The following ITGA9 variants were observed in gnomAD, a reference collection of about 807,000 sequenced individuals.
The protein encoded by ITGA9 is integrin alpha-9.
Under a neutral mutation model 127.8 loss-of-function variants are expected in ITGA9, and 56 were observed. The ratio of observed to expected loss-of-function variants is 0.44; its 90% CI spans 0.35 to 0.55. The LOEUF (loss-of-function observed/expected upper bound fraction) is 0.55, where lower values mean the gene tolerates loss of function less well. Ranked by LOEUF, ITGA9 falls within the 20% of genes least tolerant of loss-of-function variation. The pLI is 0.00. For synonymous variants in ITGA9, 508 were observed against 514.5 expected, an observed-to-expected ratio of 0.99 and a Z score of 0.17; for missense variants, 1,196 against 1,347.1, an observed-to-expected ratio of 0.89 and a Z score of 1.76.
At chr3:37,797,438 A>G (rs1201011173) in intron 26 of ITGA9, among the ~76,000 whole-genome samples, 1 of 152,188 alleles carries the variant, frequency 6.6e-6, no homozygotes, top group Non-Finnish European at 1.5e-5. Context: ...CTGGGATGCT[A>G]TAGGAGGTTG....
chr3:37,462,164 C>T (rs1351188440), intron 1 of ITGA9, among the ~76,000 whole-genome samples: 1 of 152,190 alleles, frequency 6.6e-6, no homozygotes, highest in Non-Finnish European at 1.5e-5. Flanking sequence ...CTCCAGTTGC[C>T]TCCCCTCAGT....
At chr3:37,547,431 G>A (rs1015301863) in intron 15 of ITGA9, among the ~76,000 whole-genome samples, 3 of 152,202 alleles carry the variant, frequency 2.0e-5, no homozygotes, top group Non-Finnish European at 4.4e-5. Context: ...ATCTGCCCAG[G>A]TGTTTTGGCC....
rs557829822 is a variant in ITGA9 at position 37,466,635 on chromosome 3, A to G, written c.186-4372A>G. ...ATAATTATTTGTAATCAGTTTAGAT[A>G]GTTACATAGTACTTCTTAAACTATC... On this transcript the variant is annotated intron_variant, in intron 1 of 27. Transcript: ENST00000264741. 2.0e-5 allele frequency among the ~76,000 whole-genome samples: 3 copies of G among 152,234 alleles called. No homozygotes were observed. In the East Asian group the frequency reaches 5.8e-4, roughly 29 times the overall value.
At chr3:37,694,041 C>T (rs999163037) in intron 18 of ITGA9, among the ~76,000 whole-genome samples, 8 of 152,170 alleles carry the variant, frequency 5.3e-5, no homozygotes, top group South Asian at 4.1e-4. Context: ...AAGTCTTTTC[C>T]GCCCCCTTCC....
chr3:37,755,483 G>T (rs534108663), intron 23 of ITGA9, among the ~76,000 whole-genome samples: 90 of 152,182 alleles, frequency 5.9e-4, no homozygotes, highest in African/African-American at 2.0e-3. Context: ...CCAACAGAAG[G>T]CTTCTGAATA....
rs151294090 is a variant in ITGA9, at chr3:37,600,638, C to T, written c.1690-28549C>T. Among the ~76,000 whole-genome samples the T allele has an allele frequency of 6.0e-3, 919 of 152,306 alleles. 7 individuals carry two copies. The highest frequency in any genetic ancestry group is 0.013 in the South Asian group (62 of 4,832). ...TCACCTCCATCTCAAGAAGCCCTTA[C>T]GGATGCCTCCCTTCCCTTCATGACT... On this transcript the variant is annotated intron_variant, in intron 15 of 27. Transcript: ENST00000264741.
chr3:37,802,630 G>A (rs983840054), intron 26 of ITGA9, among the ~76,000 whole-genome samples: 3 of 152,164 alleles, frequency 2.0e-5, no homozygotes, highest in Admixed American at 2.0e-4. Flanking sequence ...CGCAATAGAT[G>A]CTTTGAATTC....
At chr3:37,816,174 A>G (rs1697430226) in intron 27 of ITGA9, among the ~76,000 whole-genome samples, 1 of 152,166 alleles carries the variant, frequency 6.6e-6, no homozygotes, top group Non-Finnish European at 1.5e-5. Context: ...GCATCTTTGC[A>G]ATTTATCGCT....
At chr3:37,753,529 A>T (rs1451821831) in intron 23 of ITGA9, among the ~76,000 whole-genome samples, 1 of 152,152 alleles carries the variant, frequency 6.6e-6, no homozygotes, top group Non-Finnish European at 1.5e-5. Flanking sequence ...GTGTATGATG[A>T]GTATCTGCTG....
intron 26 of ITGA9, among the ~76,000 whole-genome samples, chr3:37,795,511 C>T (rs970375756): frequency 5.9e-5 from 9 of 152,226 alleles, no homozygotes; most frequent in Non-Finnish European, 1.0e-4. Context: ...TCTACAGAAG[C>T]AGGCAGGGTG....
At chr3:37,777,205 A>G (rs1015642590) in intron 23 of ITGA9, among the ~76,000 whole-genome samples, 187 bp from the exon 24 acceptor site, 3 of 152,148 alleles carry the variant, frequency 2.0e-5, no homozygotes, top group Admixed American at 6.5e-5. Context: ...CACATTTTCT[A>G]TTATTTGGCC....
intron 13 of ITGA9, among the ~76,000 whole-genome samples, chr3:37,527,059 G>A (rs1183271792): frequency 2.6e-5 from 4 of 152,236 alleles, no homozygotes; most frequent in Non-Finnish European, 4.4e-5. Flanking sequence ...CCCTGACTCT[G>A]CCCTTACTAG....
At position 37,471,566 on chromosome 3, in the gene ITGA9, G is replaced by A. The variant is rs116327654; in HGVS notation, c.313+432G>A. ...ATTTGGAAGCACAGAGCGAGGTTGT[G>A]CAGCTGGAGAGGGAGCCAGGAGAGT... On this transcript the variant is annotated intron_variant, in intron 2 of 27. Coordinates refer to ENST00000264741, the MANE Select transcript of ITGA9 (RefSeq NM_002207.3). Among the ~76,000 whole-genome samples, 1,294 of 152,278 alleles carry A rather than the reference G, an allele frequency of 8.5e-3. 10 individuals are homozygous for A. Among genetic ancestry groups the A allele is most frequent in the African/African-American group, 0.018 (755 of 41,562 alleles).
chr3:37,694,949 G>A (rs1700868528), intron 18 of ITGA9, among the ~76,000 whole-genome samples: 1 of 152,188 alleles, frequency 6.6e-6, no homozygotes, highest in African/African-American at 2.4e-5. Flanking sequence ...GTTCATAAAG[G>A]ATGTGTTTCC....
chr3:37,511,289 T>G (rs1405042612), intron 8 of ITGA9, among the ~76,000 whole-genome samples: 1 of 152,264 alleles, frequency 6.6e-6, no homozygotes, highest in African/African-American at 2.4e-5. Context: ...GCAGTTCAGA[T>G]GTTAATACAG....
intron 15 of ITGA9, among the ~76,000 whole-genome samples, chr3:37,621,647 A>G (rs1360340737): frequency 6.6e-6 from 1 of 152,216 alleles, no homozygotes; most frequent in East Asian, 1.9e-4. Context: ...CTTTGAAGAG[A>G]AAAAAGCATC....
chr3:37,563,359 C>A (rs987239189), intron 15 of ITGA9, among the ~76,000 whole-genome samples: 1 of 152,190 alleles, frequency 6.6e-6, no homozygotes, highest in Non-Finnish European at 1.5e-5. Flanking sequence ...GCCAGCAACT[C>A]CCTTCAACCC....
At chr3:37,738,785 C>G (rs1175634659) in intron 20 of ITGA9, among the ~76,000 whole-genome samples, 1 of 152,210 alleles carries the variant, frequency 6.6e-6, no homozygotes, top group African/African-American at 2.4e-5. Context: ...AGAGATTTCC[C>G]TTGTCAAAAT....
chr3:37,605,883 C>T (rs1413268520), intron 15 of ITGA9, among the ~76,000 whole-genome samples: 2 of 152,036 alleles, frequency 1.3e-5, no homozygotes, highest in Admixed American at 6.6e-5. Flanking sequence ...ATGATTAAAC[C>T]CTTTTTTTTT....
Sources: gnomAD v4.1 joint callset for allele counts (sites outside exome capture counted in the v4.1 genomes callset) on GRCh38, gnomAD v4.1.1 for gene constraint, MANE v1.5 for transcripts, NCBI Gene and HGNC (gene_info 2026-07-23, HGNC 2026-07-21) for gene names.